The following PCMT1 variants were observed in gnomAD, a reference collection of about 807,000 sequenced individuals.
PCMT1 encodes the protein protein-L-isoaspartate(D-aspartate) O-methyltransferase.
PCMT1 carries 9 observed loss-of-function variants against 29.2 expected under a neutral mutation model. The ratio of observed to expected loss-of-function variants is 0.31; its 90% confidence interval spans 0.19 to 0.54. PCMT1 has a LOEUF of 0.54. Among genes scored for constraint, PCMT1 ranks in the 20% least tolerant of loss-of-function variants. The pLI, the probability that PCMT1 is intolerant of heterozygous loss-of-function variation, is 0.95. For missense variants in PCMT1, 184 were observed against 282.2 expected (o/e 0.65, Z 2.49); for synonymous variants, 98 against 97.5 (o/e 1.00, Z -0.03).
At chr6:149,757,486 G>C (rs1366190656) in intron 1 of PCMT1, among the ~76,000 whole-genome samples, 1 of 152,174 alleles carries the variant, frequency 6.6e-6, no homozygotes, top group Non-Finnish European at 1.5e-5. Context: ...GAGTGATGAA[G>C]ATAACAAGAG....
chr6:149,789,191 T>C (rs1788251463), intron 3 of PCMT1, among the ~76,000 whole-genome samples: 1 of 150,374 alleles, frequency 6.7e-6, no homozygotes, highest in African/African-American at 2.4e-5. Context: ...GTTCTCTGCC[T>C]CAGCCTCCCG....
chr6:149,793,762 T>C (rs1788483863), intron 5 of PCMT1, 93 bp downstream of exon 5: 2 of 1,116,814 alleles, frequency 1.8e-6, no homozygotes, highest in African/African-American at 1.6e-5. Flanking sequence ...GTAATTATTG[T>C]ATTTTTTTTT....
At chr6:149,781,204 G>GC (rs1787800068) in intron 3 of PCMT1, among the ~76,000 whole-genome samples, 1 of 24,390 alleles carries the variant, frequency 4.1e-5, no homozygotes, top group East Asian at 6.0e-3. Flanking sequence ...TTTTTTTTTT[G>GC]TTTTTTTTTT....
At chr6:149,807,983 T>C (rs1454221855) in intron 7 of PCMT1, among the ~76,000 whole-genome samples, 7 of 152,220 alleles carry the variant, frequency 4.6e-5, no homozygotes, top group Non-Finnish European at 8.8e-5. Flanking sequence ...ACTTTTGGAA[T>C]TCTTTTTGTC....
intron 4 of PCMT1, among the ~76,000 whole-genome samples, chr6:149,791,506 T>C (rs1031743727): frequency 1.3e-5 from 2 of 152,216 alleles, no homozygotes; most frequent in Admixed American, 6.5e-5. Flanking sequence ...AATATTCTGA[T>C]CTAGTTAAAT....
chr6:149,766,954 T>C (rs1314636605), intron 1 of PCMT1, among the ~76,000 whole-genome samples: 1 of 152,192 alleles, frequency 6.6e-6, no homozygotes, highest in Non-Finnish European at 1.5e-5. Context: ...CTCACATCTG[T>C]AATCCCAGCA....
At chr6:149,765,556 A>G (rs2115235481) in intron 1 of PCMT1, 1 of 222,992 alleles carries the variant, frequency 4.5e-6, no homozygotes, top group East Asian at 1.5e-4. Context: ...TGTTTTCTCT[A>G]TTTGATGTGC....
intron 3 of PCMT1, among the ~76,000 whole-genome samples, chr6:149,773,967 G>T (rs189040813): frequency 6.6e-6 from 1 of 152,064 alleles, no homozygotes; most frequent in East Asian, 1.9e-4. Flanking sequence ...AATCTGTTGG[G>T]AATTTTCTTG....
At chr6:149,764,638 G>C (rs1786996230) in intron 1 of PCMT1, among the ~76,000 whole-genome samples, 1 of 152,098 alleles carries the variant, frequency 6.6e-6, no homozygotes, top group African/African-American at 2.4e-5. Context: ...TGTTGGGGTG[G>C]CTAAGGCAGG....
chr6:149,781,413 G>A (rs1787809728), intron 3 of PCMT1, among the ~76,000 whole-genome samples: 1 of 151,950 alleles, frequency 6.6e-6, no homozygotes, highest in Non-Finnish European at 1.5e-5. Context: ...TTTTAGTAGA[G>A]ACAAGGTTTC....
chr6:149,764,023 A>G (rs1487870771), intron 1 of PCMT1, among the ~76,000 whole-genome samples: 1 of 152,190 alleles, frequency 6.6e-6, no homozygotes, highest in Non-Finnish European at 1.5e-5. Context: ...AGAAGAGAAT[A>G]TGGTACCAAT....
chr6:149,785,396 C>T, intron 3 of PCMT1, among the ~76,000 whole-genome samples: 5 of 127,488 alleles, frequency 3.9e-5, no homozygotes, highest in South Asian at 2.5e-4. Context: ...TATGTTTATT[C>T]AGTTCTTTTT....
At chr6:149,795,193 C>CAAA in intron 5 of PCMT1, 15 of 272,820 alleles carry the variant, frequency 5.5e-5, no homozygotes, top group South Asian at 1.1e-4. Flanking sequence ...GACTTCGTCT[C>CAAA]AAAAAAAAAA....
chr6:149,795,505 T>C (rs1788567907), intron 5 of PCMT1: 5 of 424,180 alleles, frequency 1.2e-5, no homozygotes, highest in South Asian at 1.1e-4. Flanking sequence ...CCGTTTCTAC[T>C]GCACAGCCAA....
chr6:149,752,398 T>C (rs1786358621), intron 1 of PCMT1, among the ~76,000 whole-genome samples: 1 of 151,988 alleles, frequency 6.6e-6, no homozygotes, highest in South Asian at 2.1e-4. Flanking sequence ...GGGGTTTCAC[T>C]ATGTTGGCCA....
At chr6:149,794,559 A>G (rs1394529341) in intron 5 of PCMT1, among the ~76,000 whole-genome samples, 6 of 152,182 alleles carry the variant, frequency 3.9e-5, no homozygotes, top group Non-Finnish European at 2.9e-5. Context: ...TGGAGGTTGC[A>G]GTAAGCTGAG....
intron 4 of PCMT1, among the ~76,000 whole-genome samples, chr6:149,792,052 C>T (rs1194153402): frequency 6.6e-6 from 1 of 152,172 alleles, no homozygotes; most frequent in South Asian, 2.1e-4. Context: ...TGGTGGCTCA[C>T]GCCTGTAATC....
In PCMT1 at chr6:149,782,746, A is replaced by G. The variant is rs192754065; in HGVS notation, c.193-7208A>G. Among the ~76,000 whole-genome samples the G allele has an allele frequency of 2.5e-3, 382 of 152,286 alleles. 2 individuals carry two copies. Among genetic ancestry groups the G allele is most frequent in the Non-Finnish European group, 3.4e-3 (230 of 68,026 alleles). On this transcript the variant is annotated intron_variant, in intron 3 of 7. Transcript: ENST00000464889. ...TTGAAAAACAAAAATTTGTGAGTCT[A>G]TGGAGACTTAAAAAAAAACAAAAAG...
At chr6:149,769,730 T>G (rs1787233281) in intron 1 of PCMT1, among the ~76,000 whole-genome samples, 1 of 151,880 alleles carries the variant, frequency 6.6e-6, no homozygotes, top group Admixed American at 6.6e-5. Flanking sequence ...TCCTGAGTAT[T>G]TATGACTACA....
Sources: gnomAD v4.1 joint callset for allele counts (sites outside exome capture counted in the v4.1 genomes callset) on GRCh38, gnomAD v4.1.1 for gene constraint, MANE v1.5 for transcripts, NCBI Gene and HGNC (gene_info 2026-07-23, HGNC 2026-07-21) for gene names.